Variants in CTNNA1 observed in about 807,000 individuals in gnomAD.
CTNNA1 encodes the protein catenin alpha 1, also known as catenin alpha-1.
CTNNA1 carries 37 observed loss-of-function variants against 98.4 expected under a neutral mutation model. The observed-to-expected ratio is 0.38, with a 90% confidence interval of 0.29 to 0.49. The LOEUF is 0.49. Ranked by LOEUF, CTNNA1 falls within the 20% of genes least tolerant of loss-of-function variation. CTNNA1 has a pLI of 0.95. For missense variants in CTNNA1, 761 were observed against 1,147.2 expected (o/e 0.66, Z 4.86); for synonymous variants, 404 against 413.2 (o/e 0.98, Z 0.27).
At chr5:138,754,626 G>A (rs1428638462) in intron 1 of CTNNA1, 1 of 152,166 alleles carries the variant, frequency 6.6e-6, no homozygotes, top group Non-Finnish European at 1.5e-5. Context: ...TACTGGACAG[G>A]TGGGTGTTAC....
chr5:138,790,288 A>T (rs1756211531), intron 3 of CTNNA1, among the ~76,000 whole-genome samples: 1 of 152,228 alleles, frequency 6.6e-6, no homozygotes, highest in East Asian at 1.9e-4. Flanking sequence ...GAAAAGTTGT[A>T]GTAATTTATT....
chr5:138,787,421 A>C (rs888944553), intron 3 of CTNNA1, among the ~76,000 whole-genome samples: 29 of 151,892 alleles, frequency 1.9e-4, no homozygotes, highest in Non-Finnish European at 2.4e-4. Context: ...CCGTCTCCAA[A>C]AAAAAAAAAG....
At position 138,931,572 on chromosome 5, in the gene CTNNA1, A is replaced by G. The variant is rs920939857; in HGVS notation, c.2298+637A>G. 1.7e-5 allele frequency: 17 copies of G among 983,956 alleles called. No homozygotes were observed. In the African/African-American group the frequency reaches 2.8e-4, roughly 16 times the overall value. 61.0% of individuals were successfully genotyped at this position (983,956 alleles called of 1,614,324 possible). A position where few individuals can be genotyped will look rare whatever the true frequency, so the allele number is the denominator to read the frequency against. ...TAAAGGCATCCTTGACTCCCACACA[A>G]TCGGTAATAGGGCCTATTGCTTCCA... On this transcript the variant is annotated intron_variant, in intron 16 of 17. Coordinates refer to ENST00000302763, the MANE Select transcript of CTNNA1 (RefSeq NM_001903.5).
Position 138,812,115 on chromosome 5 carries a change from A to G in CTNNA1, c.469-68A>G, listed in dbSNP as rs952524811. On this transcript the variant is annotated intron_variant, in intron 4 of 17. Coordinates refer to ENST00000302763, the MANE Select transcript of CTNNA1 (RefSeq NM_001903.5). Reference sequence around the variant, plus strand: ...GTTGTTAACAGGAATGAAAATTCCTAGGATGCCATCTTCTTTACAGACCTA... The same window carrying G: ...GTTGTTAACAGGAATGAAAATTCCTGGGATGCCATCTTCTTTACAGACCTA... The G allele has an allele frequency of 4.9e-6, 7 of 1,439,112 alleles. No homozygotes were observed. In the South Asian group the frequency reaches 8.9e-5, roughly 18 times the overall value. The allele number at this position is 1,439,112 out of a possible 1,614,324, so 89.1% of individuals were successfully genotyped here.
At chr5:138,844,000 T>G (rs1386307391) in intron 7 of CTNNA1, among the ~76,000 whole-genome samples, 1 of 152,208 alleles carries the variant, frequency 6.6e-6, no homozygotes, top group Non-Finnish European at 1.5e-5. Context: ...ATCTAGGCAT[T>G]CCATTGTGCA....
At chr5:138,911,168 C>T (rs898791605) in intron 10 of CTNNA1, among the ~76,000 whole-genome samples, 9 of 152,032 alleles carry the variant, frequency 5.9e-5, no homozygotes, top group South Asian at 2.1e-4. Context: ...ATCCAGAGGT[C>T]GAGGGTATAG....
At chr5:138,847,783 A>AT (rs1218257867) in intron 7 of CTNNA1, among the ~76,000 whole-genome samples, 1 of 152,242 alleles carries the variant, frequency 6.6e-6, no homozygotes, top group African/African-American at 2.4e-5. Flanking sequence ...CATTACAAAA[A>AT]GGAAACATTT....
chr5:138,814,479 GTTTAA>G (rs1305182985), intron 5 of CTNNA1, among the ~76,000 whole-genome samples: 8 of 152,138 alleles, frequency 5.3e-5, no homozygotes, highest in Non-Finnish European at 1.0e-4. Context: ...AGAAGAACTT[GTTTAA>G]TAGAATGGTA....
chr5:138,934,298 ATT>A lies in CTNNA1; in HGVS notation c.*214_*215del, dbSNP rs1287079735. On this transcript the variant is annotated 3_prime_UTR_variant, in exon 18 of 18. Transcript: ENST00000302763. ...AATGCAGGAGCCTACTTCTAGCTGT[ATT>A]TTTTGTATGCTTAAATAAAAATAAA... is the stretch of plus-strand genomic sequence containing the variant. The A allele has an allele frequency of 1.9e-6, 1 of 534,988 alleles. No individual in the cohort carries two copies. Among genetic ancestry groups the A allele is most frequent in the Non-Finnish European group, 3.3e-6 (1 of 306,426 alleles). The allele number at this position is 534,988 out of a possible 1,614,324, so 33.1% of individuals were successfully genotyped here.
rs142872427 is a variant in CTNNA1, at chr5:138,778,188, G to T, written c.-2-3735G>T. ...TTTTGGTATTTTTAGTAGAGACGGGGTTTCACAGTGTTGACCAGGATGGTT... is the reference window on the plus strand; with the variant it reads ...TTTTGGTATTTTTAGTAGAGACGGGTTTTCACAGTGTTGACCAGGATGGTT... On this transcript the variant is annotated intron_variant, in intron 1 of 17. Transcript: ENST00000302763. 8.6e-5 allele frequency among the ~76,000 whole-genome samples: 13 copies of T among 151,850 alleles called. No homozygotes were observed. In the East Asian group the frequency reaches 2.5e-3, roughly 30 times the overall value.
intron 7 of CTNNA1, among the ~76,000 whole-genome samples, chr5:138,847,462 G>A (rs1762826816): frequency 6.6e-6 from 1 of 152,156 alleles, no homozygotes; most frequent in East Asian, 1.9e-4. Context: ...GCAGGCCGAT[G>A]TCATAATTTC....
At chr5:138,864,233 T>G (rs1764536682) in intron 7 of CTNNA1, among the ~76,000 whole-genome samples, 1 of 152,226 alleles carries the variant, frequency 6.6e-6, no homozygotes, top group Non-Finnish European at 1.5e-5. Context: ...ATTACAGGCA[T>G]GAGCCACTGC....
intron 6 of CTNNA1, among the ~76,000 whole-genome samples, chr5:138,825,489 T>TTTTTGTTTGTTTG (rs1554085172): frequency 5.0e-4 from 55 of 109,502 alleles, no homozygotes; most frequent in Admixed American, 2.0e-3. Context: ...TAAGTTTTTT[T>TTTTTGTTTGTTTG]TTTTTTTTTA....
In CTNNA1 at chr5:138,834,478, A is replaced by C. The variant is rs1761582804; in HGVS notation, c.1062+6760A>C. Among the ~76,000 whole-genome samples the C allele has an allele frequency of 2.0e-5, 3 of 152,276 alleles. No homozygotes were observed. The South Asian group carries it at 6.2e-4, about 32-fold the overall frequency. On this transcript the variant is annotated intron_variant, in intron 7 of 17. Transcript: ENST00000302763. ...GTGCTGAGAGACATTTTATCCCCAT[A>C]ATAACCCTATTGAGTTGATAATTGC...
chr5:138,763,947 T>C (rs1248579927), intron 1 of CTNNA1, among the ~76,000 whole-genome samples: 2 of 152,150 alleles, frequency 1.3e-5, no homozygotes, highest in South Asian at 2.1e-4. Context: ...TCCCAGCACT[T>C]TGGGAGGCGG....
At chr5:138,883,507 A>G (rs1349577932) in intron 7 of CTNNA1, among the ~76,000 whole-genome samples, 3 of 152,212 alleles carry the variant, frequency 2.0e-5, no homozygotes, top group Non-Finnish European at 4.4e-5. Flanking sequence ...ATTGCATCTT[A>G]AAGTGAATTT....
intron 9 of CTNNA1, among the ~76,000 whole-genome samples, chr5:138,902,508 C>T (rs746082781): frequency 1.3e-5 from 2 of 152,236 alleles, no homozygotes; most frequent in South Asian, 4.1e-4. Context: ...CAAGCTCCGC[C>T]TCTCAGGTTC....
chr5:138,858,427 C>A (rs1224995410), intron 7 of CTNNA1, among the ~76,000 whole-genome samples: 1 of 152,046 alleles, frequency 6.6e-6, no homozygotes, highest in Non-Finnish European at 1.5e-5. Context: ...GCGCCTGTCC[C>A]AGTATTTTTA....
At chr5:138,857,488 A>AT (rs199901766) in intron 7 of CTNNA1, among the ~76,000 whole-genome samples, 5,535 of 151,938 alleles carry the variant, frequency 0.036, 273 homozygotes, top group African/African-American at 0.11. Context: ...AAAAAAAAAA[A>AT]TTTTTTTAAA....
Sources: gnomAD v4.1 joint callset for allele counts (sites outside exome capture counted in the v4.1 genomes callset) on GRCh38, gnomAD v4.1.1 for gene constraint, MANE v1.5 for transcripts, NCBI Gene and HGNC (gene_info 2026-07-23, HGNC 2026-07-21) for gene names.